Variants in OCA2 observed in about 807,000 individuals in gnomAD.
OCA2 encodes the protein P protein.
In OCA2, 77 loss-of-function variants were observed where a neutral mutation model predicts 100.2. The ratio of observed to expected loss-of-function variants is 0.77; its 90% CI spans 0.64 to 0.93. The LOEUF (loss-of-function observed/expected upper bound fraction) is 0.93. Among genes scored for constraint, OCA2 ranks in the 40% least tolerant of loss-of-function variants. OCA2 has a pLI of 0.00. For synonymous variants in OCA2, 432 were observed against 439.2 expected, an observed-to-expected ratio of 0.98 and a Z score of 0.21; for missense variants, 1,062 against 1,089.1, an observed-to-expected ratio of 0.98 and a Z score of 0.35.
chr15:27,728,008 C>T, the OCA2 span, among the ~76,000 whole-genome samples: 5 of 152,298 alleles, frequency 3.3e-5, no homozygotes, highest in Admixed American at 6.5e-5. Flanking sequence ...AGGTGTATGT[C>T]TCTCACACAC....
At chr15:27,805,047 C>G (rs2033772214) in intron 23 of OCA2, among the ~76,000 whole-genome samples, 1 of 152,192 alleles carries the variant, frequency 6.6e-6, no homozygotes, top group Non-Finnish European at 1.5e-5. Context: ...TCAATGCCAC[C>G]AAGAAGCCCC....
chr15:27,804,899 T>A (rs1158308171), intron 23 of OCA2, among the ~76,000 whole-genome samples: 1 of 152,226 alleles, frequency 6.6e-6, no homozygotes, highest in Non-Finnish European at 1.5e-5. Flanking sequence ...GTCCGTATTT[T>A]CTCAGCACCG....
intron 19 of OCA2, among the ~76,000 whole-genome samples, chr15:27,905,015 T>C (rs918968535): frequency 5.3e-5 from 8 of 151,978 alleles, no homozygotes; most frequent in African/African-American, 1.7e-4. Flanking sequence ...AATACAAAAA[T>C]TAGCCGGGCG....
At chr15:27,999,831 T>C (rs1467443901) in intron 9 of OCA2, among the ~76,000 whole-genome samples, 2 of 152,182 alleles carry the variant, frequency 1.3e-5, no homozygotes, top group African/African-American at 4.8e-5. Flanking sequence ...GCTAACAATG[T>C]ACTATCCGAA....
intron 2 of OCA2, among the ~76,000 whole-genome samples, chr15:28,063,996 TC>T (rs961002042): frequency 1.6e-4 from 24 of 152,256 alleles, no homozygotes; most frequent in African/African-American, 4.8e-4. Flanking sequence ...GTTAAAGAAC[TC>T]CCTCAGCTTT....
chr15:27,951,658 T>G, intron 18 of OCA2, 126 bp downstream of exon 18: 1 of 746,764 alleles, frequency 1.3e-6, no homozygotes, highest in South Asian at 1.5e-5. Context: ...ACCCTCCATC[T>G]CAGCCCTCTC....
chr15:27,879,986 TTTTATA>T (rs2036949037), intron 19 of OCA2, among the ~76,000 whole-genome samples: 2 of 152,310 alleles, frequency 1.3e-5, no homozygotes, highest in African/African-American at 4.8e-5. Flanking sequence ...AAATTTTGGG[TTTTATA>T]TTTAAGTCTT....
intron 9 of OCA2, among the ~76,000 whole-genome samples, chr15:28,001,258 A>AACAC (rs529780975): frequency 6.0e-5 from 9 of 150,222 alleles, no homozygotes; most frequent in Non-Finnish European, 7.4e-5. Flanking sequence ...TATACATACA[A>AACAC]ACACACACAC....
chr15:27,739,618 G>A, the OCA2 span, among the ~76,000 whole-genome samples: 418 of 151,794 alleles, frequency 2.8e-3, 2 homozygotes, highest in African/African-American at 9.9e-3. Context: ...GCTAATTTTT[G>A]TATTTTTAGT....
intron 2 of OCA2, among the ~76,000 whole-genome samples, chr15:28,065,468 T>G (rs1337466974): frequency 6.6e-6 from 1 of 152,170 alleles, no homozygotes; most frequent in Non-Finnish European, 1.5e-5. Flanking sequence ...ATGTTCTGAG[T>G]TAGGCAAAAC....
At position 27,755,412 on chromosome 15, in the gene OCA2, A is replaced by G; in HGVS notation, c.2493T>C (p.Ala831=). ...CTVGMCYLLV[A]HVVVGWN ...ATTAATTCCATCCCACCACCACATGAGCCACAAGGAGATAACACATCCCAA... is the reference window on the plus strand; with the variant it reads ...ATTAATTCCATCCCACCACCACATGGGCCACAAGGAGATAACACATCCCAA... The change falls in exon 24 of 24, where the codon GCT becomes GCC. Residue 831 remains alanine, a synonymous_variant. Coordinates refer to ENST00000354638, the MANE Select transcript of OCA2 (RefSeq NM_000275.3). 6.2e-7 allele frequency: 1 copy of G among 1,613,750 alleles called. No individual in the cohort carries two copies. Among genetic ancestry groups the G allele is most frequent in the African/African-American group, 1.3e-5 (1 of 75,042 alleles).
chr15:27,824,503 ATAAT>A (rs2034624884), intron 23 of OCA2, among the ~76,000 whole-genome samples: 1 of 151,284 alleles, frequency 6.6e-6, no homozygotes, highest in Admixed American at 6.6e-5. Context: ...AAGGGAGAAA[ATAAT>A]TAAAACAGAG....
chr15:27,899,732 G>T (rs1015468509), intron 19 of OCA2, among the ~76,000 whole-genome samples: 1 of 152,196 alleles, frequency 6.6e-6, no homozygotes, highest in Non-Finnish European at 1.5e-5. Context: ...AGCTTCAGAG[G>T]TACTATTTGC....
chr15:28,028,570 G>C (rs2141353017), intron 3 of OCA2, among the ~76,000 whole-genome samples: 1 of 152,272 alleles, frequency 6.6e-6, no homozygotes, highest in Non-Finnish European at 1.5e-5. Flanking sequence ...ATTCGTACCT[G>C]ACTATACAGG....
chr15:28,055,257 G>C (rs1426613791), intron 2 of OCA2, among the ~76,000 whole-genome samples: 2 of 152,182 alleles, frequency 1.3e-5, no homozygotes, highest in Non-Finnish European at 2.9e-5. Flanking sequence ...GCCAGTTACA[G>C]GACAAAGTTC....
intron 2 of OCA2, among the ~76,000 whole-genome samples, chr15:28,036,687 C>G (rs2043053697): frequency 6.6e-6 from 1 of 151,584 alleles, no homozygotes; most frequent in Non-Finnish European, 1.5e-5. Context: ...ATGCTTATAT[C>G]ATCATATTGA....
At chr15:27,827,273 T>C (rs1369433650) in intron 23 of OCA2, among the ~76,000 whole-genome samples, 2 of 152,166 alleles carry the variant, frequency 1.3e-5, no homozygotes, top group Non-Finnish European at 2.9e-5. Flanking sequence ...CAGCCAGGAC[T>C]GGGAAATCAA....
chr15:27,763,342 A>T (rs1426994014), intron 23 of OCA2, among the ~76,000 whole-genome samples: 1 of 152,220 alleles, frequency 6.6e-6, no homozygotes, highest in East Asian at 1.9e-4. Flanking sequence ...CCCTGCTAGG[A>T]GGGTATAAAG....
the OCA2 span, among the ~76,000 whole-genome samples, chr15:27,747,971 A>G: frequency 1.3e-5 from 2 of 152,162 alleles, no homozygotes; most frequent in African/African-American, 2.4e-5. Context: ...GAGGAAAAAT[A>G]TAGTGGTGGG....
Sources: allele counts gnomAD v4.1 joint callset (sites outside exome capture counted in the v4.1 genomes callset), GRCh38; gene constraint gnomAD v4.1.1; transcripts MANE v1.5; gene names NCBI Gene and HGNC (gene_info 2026-07-23, HGNC 2026-07-21).